LY86: variants seen among roughly 807,000 people sequenced by gnomAD.
LY86 encodes lymphocyte antigen 86.
Under a neutral mutation model 17.3 loss-of-function variants are expected in LY86, and 20 were observed. The observed-to-expected ratio is 1.15, with a 90% confidence interval of 0.81 to 1.68. The LOEUF (loss-of-function observed/expected upper bound fraction) is 1.68. Ranked by LOEUF, LY86 falls within the 40% of genes most tolerant of loss-of-function variation. The pLI is 0.00. For missense variants in LY86, 200 were observed against 191.9 expected, an observed-to-expected ratio of 1.04 and a Z score of -0.25; for synonymous variants, 74 against 70.6, an observed-to-expected ratio of 1.05 and a Z score of -0.24.
chr6:6,630,650 C>T (rs752521484), intron 3 of LY86, among the ~76,000 whole-genome samples: 15 of 152,174 alleles, frequency 9.9e-5, no homozygotes, highest in South Asian at 2.1e-4. Flanking sequence ...ACAACAATGC[C>T]GATAGAACCC....
chr6:6,651,755 CTT>C (rs1762189706), intron 4 of LY86, among the ~76,000 whole-genome samples: 1 of 152,100 alleles, frequency 6.6e-6, no homozygotes, highest in African/African-American at 2.4e-5. Flanking sequence ...CAGAAAACCC[CTT>C]TGAAAGTAAG....
At chr6:6,636,842 A>G (rs1761965998) in intron 3 of LY86, among the ~76,000 whole-genome samples, 1 of 151,962 alleles carries the variant, frequency 6.6e-6, no homozygotes, top group Non-Finnish European at 1.5e-5. Flanking sequence ...CAGAATCACC[A>G]AAAACAATGG....
chr6:6,598,809 A>T (rs1457837799), intron 1 of LY86, among the ~76,000 whole-genome samples: 1 of 151,744 alleles, frequency 6.6e-6, no homozygotes, highest in African/African-American at 2.4e-5. Flanking sequence ...ACATATCATT[A>T]GAGGGGTGAT....
intron 3 of LY86, among the ~76,000 whole-genome samples, chr6:6,645,138 C>T (rs1176437784): frequency 6.6e-6 from 1 of 152,104 alleles, no homozygotes; most frequent in African/African-American, 2.4e-5. Flanking sequence ...GAGTCATACT[C>T]ATCCATTTTT....
intron 1 of LY86, among the ~76,000 whole-genome samples, chr6:6,593,196 T>C (rs909060552): frequency 6.6e-6 from 1 of 152,210 alleles, no homozygotes; most frequent in Non-Finnish European, 1.5e-5. Flanking sequence ...GAGAATCCCT[T>C]TCTTTTCTTT....
chr6:6,620,933 C>T (rs1761658784), intron 1 of LY86: 1 of 152,266 alleles, frequency 6.6e-6, no homozygotes, highest in Admixed American at 6.5e-5. Flanking sequence ...TCACTTCTGG[C>T]AGGGTTCACA....
intron 1 of LY86, among the ~76,000 whole-genome samples, chr6:6,595,720 T>A (rs1281963408): frequency 6.6e-6 from 1 of 152,126 alleles, no homozygotes; most frequent in African/African-American, 2.4e-5. Flanking sequence ...AAAAGAAGTA[T>A]ATGTAGGGCC....
intron 1 of LY86, among the ~76,000 whole-genome samples, chr6:6,617,883 C>G (rs1443590057): frequency 5.3e-5 from 8 of 152,196 alleles, no homozygotes; most frequent in Non-Finnish European, 1.2e-4. Flanking sequence ...CTCTGTCGCT[C>G]AGGTTGGAGT....
intron 1 of LY86, among the ~76,000 whole-genome samples, chr6:6,606,228 A>G (rs1311839846): frequency 2.0e-5 from 3 of 152,144 alleles, no homozygotes; most frequent in Non-Finnish European, 2.9e-5. Flanking sequence ...TTAGCTAGAT[A>G]CAGAGTGTGG....
chr6:6,630,275 C>T (rs554490280), intron 3 of LY86, among the ~76,000 whole-genome samples: 2 of 152,294 alleles, frequency 1.3e-5, no homozygotes, highest in African/African-American at 2.4e-5. Context: ...TATTTGGACT[C>T]GAATAGAAAG....
intron 1 of LY86, among the ~76,000 whole-genome samples, chr6:6,604,088 T>C (rs1300278614): frequency 1.3e-5 from 2 of 152,140 alleles, no homozygotes; most frequent in Non-Finnish European, 1.5e-5. Context: ...TGGTTCTTGA[T>C]TGGGAACATC....
chr6:6,616,569 G>A lies in LY86; in HGVS notation c.137-8357G>A, dbSNP rs150768681. Reference sequence around the variant, plus strand: ...ATTGCATTTGAGGACCTCCTGGTACGTTTGGTTCAAATCCAGCACCATCAA... The same window carrying A: ...ATTGCATTTGAGGACCTCCTGGTACATTTGGTTCAAATCCAGCACCATCAA... On this transcript the variant is annotated intron_variant, in intron 1 of 4. Transcript: ENST00000230568. Among the ~76,000 whole-genome samples, 256 of 152,308 alleles carry A rather than the reference G, an allele frequency of 1.7e-3. 6 individuals carry two copies. In the East Asian group the frequency reaches 0.036, roughly 21 times the overall value.
intron 3 of LY86, among the ~76,000 whole-genome samples, chr6:6,641,125 G>A (rs1324301682): frequency 6.6e-6 from 1 of 152,158 alleles, no homozygotes; most frequent in Non-Finnish European, 1.5e-5. Flanking sequence ...ACAGCCAATG[G>A]GGTGAGACCA....
At chr6:6,595,163 G>A (rs1760659352) in intron 1 of LY86, among the ~76,000 whole-genome samples, 1 of 150,108 alleles carries the variant, frequency 6.7e-6, no homozygotes, top group South Asian at 2.1e-4. Flanking sequence ...GGAGAGAAAA[G>A]AGCGGAAGGA....
intron 1 of LY86, 55 bp from the exon 2 acceptor site, chr6:6,624,871 T>A (rs1761756277): frequency 1.3e-6 from 1 of 794,178 alleles, no homozygotes; most frequent in Non-Finnish European, 2.1e-6. Flanking sequence ...ATTTTGAATA[T>A]GTTTGCAAAA....
At position 6,641,997 on chromosome 6, in the gene LY86, T is replaced by C. The variant is rs909072424; in HGVS notation, c.353-7628T>C. 2.6e-5 allele frequency among the ~76,000 whole-genome samples: 4 copies of C among 152,200 alleles called. No homozygotes were observed. In the East Asian group the frequency reaches 7.7e-4, roughly 29 times the overall value. On this transcript the variant is annotated intron_variant, in intron 3 of 4. Coordinates refer to ENST00000230568, the MANE Select transcript of LY86 (RefSeq NM_004271.4). The stretch of plus-strand genomic sequence containing the variant: ...GGTCAGGAGGCTTCAGGAGTTCACA[T>C]CCCTGCACTTCCCAGTTGCCCTTCA...
chr6:6,594,000 C>T (rs994770418), intron 1 of LY86, among the ~76,000 whole-genome samples: 33 of 152,354 alleles, frequency 2.2e-4, no homozygotes, highest in African/African-American at 7.5e-4. Flanking sequence ...GGGCAATCCT[C>T]CATAAATATT....
At chr6:6,603,603 C>CAACAAAAAAAAAAAAAAAAAAA (rs1207511602) in intron 1 of LY86, among the ~76,000 whole-genome samples, 1 of 70,464 alleles carries the variant, frequency 1.4e-5, no homozygotes, top group Non-Finnish European at 3.2e-5. Flanking sequence ...AAAACAGAAA[C>CAACAAAAAAAAAAAAAAAAAAA]AGAAAAAAAA....
chr6:6,622,841 A>AAATTG (rs1358897194), intron 1 of LY86: 1 of 152,244 alleles, frequency 6.6e-6, no homozygotes, highest in African/African-American at 2.4e-5. Flanking sequence ...TATTCTGGGC[A>AAATTG]ATCTTACAAA....
Sources: allele counts gnomAD v4.1 joint callset (sites outside exome capture counted in the v4.1 genomes callset), GRCh38; gene constraint gnomAD v4.1.1; transcripts MANE v1.5; gene names NCBI Gene and HGNC (gene_info 2026-07-23, HGNC 2026-07-21).